Variants in SORCS2 observed in about 807,000 individuals in gnomAD.
The protein encoded by SORCS2 is VPS10 domain-containing receptor SorCS2.
SORCS2 carries 100 observed loss-of-function variants against 141.6 expected under a neutral mutation model. The ratio of observed to expected loss-of-function variants is 0.71; its 90% CI spans 0.60 to 0.83. The LOEUF (loss-of-function observed/expected upper bound fraction) is 0.83. SORCS2 is among the 40% of genes least tolerant of loss of function. The pLI, the probability that SORCS2 is intolerant of heterozygous loss-of-function variation, is 0.00. For missense variants in SORCS2, 1,646 were observed against 1,560.2 expected, an observed-to-expected ratio of 1.05 and a Z score of -0.93; for synonymous variants, 789 against 676.9, an observed-to-expected ratio of 1.17 and a Z score of -2.57.
At chr4:7,713,292 A>C (rs1419287682) in intron 15 of SORCS2, among the ~76,000 whole-genome samples, 2 of 152,018 alleles carry the variant, frequency 1.3e-5, no homozygotes, top group African/African-American at 4.8e-5. Flanking sequence ...GGACACTAAG[A>C]GGAGTATAAA....
chr4:7,272,345 A>G (rs1283926434), intron 1 of SORCS2, among the ~76,000 whole-genome samples: 1 of 152,218 alleles, frequency 6.6e-6, no homozygotes, highest in Non-Finnish European at 1.5e-5. Context: ...TTGCATCATT[A>G]CTTTATTCAC....
chr4:7,711,536 C>G (rs993666968), intron 14 of SORCS2, among the ~76,000 whole-genome samples: 2 of 152,184 alleles, frequency 1.3e-5, no homozygotes, highest in Non-Finnish European at 2.9e-5. Flanking sequence ...CAGGGAAGAG[C>G]AGGCTGGGCC....
At chr4:7,309,183 G>A (rs1190608039) in intron 1 of SORCS2, among the ~76,000 whole-genome samples, 2 of 152,204 alleles carry the variant, frequency 1.3e-5, no homozygotes, top group Non-Finnish European at 2.9e-5. Context: ...CTCCCGTGCT[G>A]CAGGTGTTTT....
intron 1 of SORCS2, among the ~76,000 whole-genome samples, chr4:7,274,547 G>A (rs531575474): frequency 1.3e-5 from 2 of 152,224 alleles, no homozygotes; most frequent in East Asian, 1.9e-4. Flanking sequence ...GGAGTGGAGA[G>A]TGGTGCTACA....
chr4:7,559,789 C>T (rs138968401), intron 3 of SORCS2, among the ~76,000 whole-genome samples: 6 of 152,368 alleles, frequency 3.9e-5, no homozygotes, highest in Admixed American at 1.3e-4. Context: ...GATGAACAAA[C>T]GGCTCTCCAC....
chr4:7,704,064 G>T (rs551236618), intron 13 of SORCS2, 113 bp from the exon 14 acceptor site: 18 of 824,040 alleles, frequency 2.2e-5, no homozygotes, highest in Non-Finnish European at 3.1e-5. Flanking sequence ...ACCTGCACTG[G>T]CAAGGTTGGC....
chr4:7,700,307 C>A lies in SORCS2; in HGVS notation c.1669-2973C>A, dbSNP rs73794383. Among the ~76,000 whole-genome samples the A allele has an allele frequency of 6.3e-3, 957 of 152,286 alleles. 7 individuals are homozygous for A. Among genetic ancestry groups the A allele is most frequent in the African/African-American group, 0.022 (909 of 41,562 alleles). ...CTGTGGCAGGGCCTGAAACTGGGCTCGAGGGTAAAGATGACAGGGCCCCCT... is the reference window on the plus strand; with the variant it reads ...CTGTGGCAGGGCCTGAAACTGGGCTAGAGGGTAAAGATGACAGGGCCCCCT... On this transcript the variant is annotated intron_variant, in intron 12 of 26. Coordinates refer to ENST00000507866, the MANE Select transcript of SORCS2 (RefSeq NM_020777.3).
intron 3 of SORCS2, among the ~76,000 whole-genome samples, chr4:7,578,437 G>A (rs1285991239): frequency 2.6e-5 from 4 of 152,212 alleles, no homozygotes; most frequent in African/African-American, 9.7e-5. Flanking sequence ...TCCTTTGAAA[G>A]TTTTTCTGGT....
At chr4:7,736,404 C>T (rs549111615) in intron 25 of SORCS2, among the ~76,000 whole-genome samples, 17 of 152,342 alleles carry the variant, frequency 1.1e-4, no homozygotes, top group African/African-American at 3.1e-4. Flanking sequence ...AGAGGGCTGG[C>T]GATGTTCATC....
chr4:7,311,546 T>G (rs1478451725), intron 1 of SORCS2, among the ~76,000 whole-genome samples: 1 of 152,240 alleles, frequency 6.6e-6, no homozygotes, highest in Non-Finnish European at 1.5e-5. Context: ...TTCCTCTGTG[T>G]CCTCGTGAAG....
intron 2 of SORCS2, among the ~76,000 whole-genome samples, chr4:7,460,737 A>G (rs1729249987): frequency 6.6e-6 from 1 of 152,170 alleles, no homozygotes; most frequent in Non-Finnish European, 1.5e-5. Flanking sequence ...GGAGTAACTC[A>G]ACACGCTCCC....
chr4:7,421,140 G>C (rs1290217648), intron 2 of SORCS2, among the ~76,000 whole-genome samples: 1 of 152,142 alleles, frequency 6.6e-6, no homozygotes, highest in Admixed American at 6.5e-5. Context: ...ACTTCTGCTT[G>C]GGTCCCCAGC....
intron 1 of SORCS2, among the ~76,000 whole-genome samples, chr4:7,204,055 A>C (rs745682166): frequency 1.3e-5 from 2 of 151,960 alleles, no homozygotes; most frequent in South Asian, 4.2e-4. Flanking sequence ...TCCTTTCTTC[A>C]TGCATCTGTG....
intron 1 of SORCS2, among the ~76,000 whole-genome samples, chr4:7,314,065 A>G (rs1329386820): frequency 6.6e-6 from 1 of 152,206 alleles, no homozygotes; most frequent in Admixed American, 6.5e-5. Flanking sequence ...TGGAGCCCCC[A>G]GATCCCCAAC....
At chr4:7,404,004 T>A (rs1265423336) in intron 2 of SORCS2, among the ~76,000 whole-genome samples, 2,887 of 74,708 alleles carry the variant, frequency 0.039, 91 homozygotes, top group Non-Finnish European at 0.054. Context: ...TATATTTTTT[T>A]TTTTTTTTTA....
rs76269133 is a variant in SORCS2 at position 7,574,561 on chromosome 4, A to C, written c.648+42932A>C. Among the ~76,000 whole-genome samples, 7 of 151,272 alleles carry C rather than the reference A, an allele frequency of 4.6e-5. No individual in the cohort carries two copies. The East Asian group carries it at 1.4e-3, about 30-fold the overall frequency. ...CTCGTTAAAGGAGAGAGACAGGGGG[A>C]AGGAGGAAGAGAGGGGAAGGAGGGA... On this transcript the variant is annotated intron_variant, in intron 3 of 26. Coordinates refer to ENST00000507866, the MANE Select transcript of SORCS2 (RefSeq NM_020777.3).
chr4:7,691,384 G>T (rs535517754), intron 11 of SORCS2, among the ~76,000 whole-genome samples: 2 of 152,326 alleles, frequency 1.3e-5, no homozygotes, highest in East Asian at 3.9e-4. Flanking sequence ...GGAACGTGGG[G>T]ACCCCAAAGG....
chr4:7,439,850 A>T (rs1647049683), intron 2 of SORCS2, among the ~76,000 whole-genome samples: 1 of 152,160 alleles, frequency 6.6e-6, no homozygotes, highest in Admixed American at 6.5e-5. Context: ...TGCTCCAAAC[A>T]TCTTGGTGAC....
chr4:7,552,651 A>T (rs962449833), intron 3 of SORCS2, among the ~76,000 whole-genome samples: 4 of 152,084 alleles, frequency 2.6e-5, no homozygotes, highest in African/African-American at 9.7e-5. Context: ...CAGTGCTTCA[A>T]CCTCCTGCCA....
Sources: gnomAD v4.1 joint callset for allele counts (sites outside exome capture counted in the v4.1 genomes callset) on GRCh38, gnomAD v4.1.1 for gene constraint, MANE v1.5 for transcripts, NCBI Gene and HGNC (gene_info 2026-07-23, HGNC 2026-07-21) for gene names.